The following PRKCZ variants were observed in gnomAD, a reference collection of about 807,000 sequenced individuals.
PRKCZ encodes the protein protein kinase C zeta type.
Under a neutral mutation model 79.5 loss-of-function variants are expected in PRKCZ, and 33 were observed. The observed-to-expected ratio is 0.41, with a 90% CI of 0.31 to 0.55. The LOEUF (loss-of-function observed/expected upper bound fraction) is 0.55. PRKCZ is among the 20% of genes least tolerant of loss of function. PRKCZ has a pLI of 0.19. For missense variants in PRKCZ, 578 were observed against 813.5 expected, an observed-to-expected ratio of 0.71 and a Z score of 3.52; for synonymous variants, 342 against 320.9, an observed-to-expected ratio of 1.07 and a Z score of -0.70.
At chr1:2,109,640 A>G (rs1026249708) in intron 4 of PRKCZ, among the ~76,000 whole-genome samples, 2 of 152,116 alleles carry the variant, frequency 1.3e-5, no homozygotes, top group African/African-American at 4.8e-5. Context: ...GGCCGTGGTG[A>G]GGACACGGGG....
Position 2,185,269 on chromosome 1 carries a change from AG to A in PRKCZ, c.*265del. The A allele has an allele frequency of 4.2e-6, 3 of 715,972 alleles. No individual in the cohort carries two copies. The highest frequency in any genetic ancestry group is 5.2e-6 in the Non-Finnish European group (2 of 383,472). The allele number at this position is 715,972 out of a possible 1,614,324, so 44.4% of individuals were successfully genotyped here. A position where few individuals can be genotyped will look rare whatever the true frequency, so the allele number is the denominator to read the frequency against. On this transcript the variant is annotated 3_prime_UTR_variant, in exon 18 of 18. Coordinates refer to ENST00000378567, the MANE Select transcript of PRKCZ (RefSeq NM_002744.6). The stretch of plus-strand genomic sequence containing the variant: ...CGGCGGATCCGCGGGGACCCTGCCG[AG>A]GGGGCTGTCATGCGGTTTCCAAGGT...
At chr1:2,080,177 G>A (rs1663217017) in intron 4 of PRKCZ, among the ~76,000 whole-genome samples, 1 of 152,160 alleles carries the variant, frequency 6.6e-6, no homozygotes, top group Non-Finnish European at 1.5e-5. Flanking sequence ...GGGTTTTTTG[G>A]AGTTTTTCTT....
At chr1:2,123,601 G>T (rs1185150441) in intron 4 of PRKCZ, among the ~76,000 whole-genome samples, 1 of 69,876 alleles carries the variant, frequency 1.4e-5, no homozygotes, top group African/African-American at 5.9e-5. Flanking sequence ...TGGTAGTTAG[G>T]GTCACGGTGG....
At position 2,073,517 on chromosome 1, in the gene PRKCZ, A is replaced by C. The variant is rs183689793; in HGVS notation, c.334+13926A>C. On this transcript the variant is annotated intron_variant, in intron 4 of 17. Transcript: ENST00000378567. ...TAGCTGGGTTCTGTTCTGATGTCGC[A>C]TTTTCAAGGTCCGCTGAGTCCGAGC... 8 of 663,386 alleles carry C rather than the reference A, an allele frequency of 1.2e-5. No individual in the cohort carries two copies. The African/African-American group carries it at 1.6e-4, about 13-fold the overall frequency. 41.1% of individuals were successfully genotyped at this position (663,386 alleles called of 1,614,324 possible). A position where few individuals can be genotyped will look rare whatever the true frequency, so the allele number is the denominator to read the frequency against.
At position 2,127,868 on chromosome 1, in the gene PRKCZ, A is replaced by G. The variant is rs1392436694; in HGVS notation, c.335-7394A>G. 6.6e-6 allele frequency among the ~76,000 whole-genome samples: 1 copy of G among 152,152 alleles called. No individual in the cohort carries two copies. The highest frequency in any genetic ancestry group is 1.5e-5 in the Non-Finnish European group (1 of 68,000). ...AGTCCCACCCCAAACCCCAAACTCC[A>G]GTGTCTGGGCCACGGGCAGCCCTGG... is the stretch of plus-strand genomic sequence containing the variant. On this transcript the variant is annotated intron_variant, in intron 4 of 17. Coordinates refer to ENST00000378567, the MANE Select transcript of PRKCZ (RefSeq NM_002744.6). The surrounding 1 kb of genome is among the most constrained non-coding windows in gnomAD (Gnocchi z 5.1).
chr1:2,149,052 C>G lies in PRKCZ; in HGVS notation c.687+128C>G. On this transcript the variant is annotated intron_variant, in intron 8 of 17. Transcript: ENST00000378567. This position sits in a 1 kb window ranked among gnomAD's most constrained non-coding sequence, Gnocchi z 4.1. ...GTCCGGGGTGTTGCTAACTAATCTT[C>G]ACGGGTGTGGATGTCTAGAAGGAAG... 9.9e-7 allele frequency: 1 copy of G among 1,014,080 alleles called. No individual in the cohort carries two copies. The highest frequency in any genetic ancestry group is 1.4e-5 in the South Asian group (1 of 69,824). 62.8% of individuals were successfully genotyped at this position (1,014,080 alleles called of 1,614,324 possible). A position where few individuals can be genotyped will look rare whatever the true frequency, so the allele number is the denominator to read the frequency against.
At position 2,054,966 on chromosome 1, in the gene PRKCZ, G is replaced by A. The variant is rs549591669; in HGVS notation, c.72-475G>A. ...ATTTTTTTTTTTTTTTTTTTAATAC[G>A]GAGTCTCTCTCTGTCGCCCAGGCTG... On this transcript the variant is annotated intron_variant, in intron 1 of 17. Transcript: ENST00000378567. Among the ~76,000 whole-genome samples the A allele has an allele frequency of 4.7e-5, 7 of 148,228 alleles. No homozygotes were observed. The East Asian group carries it at 5.9e-4, about 13-fold the overall frequency.
intron 11 of PRKCZ, 97 bp downstream of exon 11, chr1:2,169,701 A>T: frequency 1.1e-5 from 3 of 272,400 alleles, no homozygotes; most frequent in Non-Finnish European, 1.9e-5. Context: ...GCACAGAGGG[A>T]TGACGGGTGG....
chr1:2,089,644 C>A (rs1428226023), intron 4 of PRKCZ, among the ~76,000 whole-genome samples: 1 of 152,172 alleles, frequency 6.6e-6, no homozygotes, highest in Non-Finnish European at 1.5e-5. Flanking sequence ...CACAACCTTA[C>A]CACCTCTCAA....
intron 5 of PRKCZ, among the ~76,000 whole-genome samples, chr1:2,139,950 A>G (rs1676986693): frequency 6.6e-6 from 1 of 152,222 alleles, no homozygotes; most frequent in Non-Finnish European, 1.5e-5. Flanking sequence ...GGTGGCACAT[A>G]GGGCACAAGT....
chr1:2,135,793 C>T (rs1221242593), intron 5 of PRKCZ, among the ~76,000 whole-genome samples: 1 of 152,266 alleles, frequency 6.6e-6, no homozygotes, highest in Non-Finnish European at 1.5e-5. Flanking sequence ...GGGCCTCTGT[C>T]TTCCCAGCGG....
chr1:2,135,472 G>A (rs1192661297), intron 5 of PRKCZ, 125 bp downstream of exon 5: 5 of 861,318 alleles, frequency 5.8e-6, no homozygotes, highest in Non-Finnish European at 8.7e-6. Flanking sequence ...CGAGGGCAAG[G>A]TTACAGAAAT....
At chr1:2,170,030 A>G (rs1351713064) in intron 11 of PRKCZ, among the ~76,000 whole-genome samples, 1 of 152,122 alleles carries the variant, frequency 6.6e-6, no homozygotes, top group African/African-American at 2.4e-5. Flanking sequence ...AAGCAGCACC[A>G]TGCCTCATCC....
At chr1:2,111,138 G>A (rs925417948) in intron 4 of PRKCZ, among the ~76,000 whole-genome samples, 8 of 152,086 alleles carry the variant, frequency 5.3e-5, no homozygotes, top group Non-Finnish European at 1.0e-4. Flanking sequence ...AGGAGGAGCC[G>A]AGGTGGGTGC....
At chr1:2,169,374 G>C in intron 10 of PRKCZ, 144 bp from the exon 11 acceptor site, 1 of 736,902 alleles carries the variant, frequency 1.4e-6, no homozygotes, top group South Asian at 1.5e-5. Context: ...CTGCTGCCAG[G>C]GTGCTCCTGC....
chr1:2,160,898 G>A (rs1016052845), intron 10 of PRKCZ, among the ~76,000 whole-genome samples: 1 of 152,122 alleles, frequency 6.6e-6, no homozygotes, highest in African/African-American at 2.4e-5. Flanking sequence ...AAGAGGTGAG[G>A]GTGTGACGGG....
chr1:2,181,907 C>T (rs1298072264), intron 16 of PRKCZ: 1 of 456,122 alleles, frequency 2.2e-6, no homozygotes, highest in East Asian at 6.9e-5. Flanking sequence ...GCTGTGCGCA[C>T]ACCACAGGTG....
rs987423420 is a variant in PRKCZ at position 2,082,759 on chromosome 1, C to T, written c.334+23168C>T. Among the ~76,000 whole-genome samples, 3 of 147,036 alleles carry T rather than the reference C, an allele frequency of 2.0e-5. No individual in the cohort carries two copies. Among genetic ancestry groups the T allele is most frequent in the Non-Finnish European group, 3.0e-5 (2 of 66,458 alleles). ...TCCATTTGTTTTTTTGCCTGAGCGT[C>T]CGGGGGTGGCTTTGAGGACACCTGT... is the stretch of plus-strand genomic sequence containing the variant. On this transcript the variant is annotated intron_variant, in intron 4 of 17. Coordinates refer to ENST00000378567, the MANE Select transcript of PRKCZ (RefSeq NM_002744.6). The surrounding 1 kb of genome is among the most constrained non-coding windows in gnomAD (Gnocchi z 4.4).
At chr1:2,112,579 C>G (rs925904) in intron 4 of PRKCZ, among the ~76,000 whole-genome samples, 11,284 of 151,634 alleles carry the variant, frequency 0.074, 1,421 homozygotes, top group African/African-American at 0.25. Flanking sequence ...TTTCCTCCTC[C>G]TTCTCTGGAT....
Sources: allele counts gnomAD v4.1 joint callset (sites outside exome capture counted in the v4.1 genomes callset), GRCh38; gene constraint gnomAD v4.1.1; non-coding constraint Gnocchi (gnomAD v3.1); transcripts MANE v1.5; gene names NCBI Gene and HGNC (gene_info 2026-07-23, HGNC 2026-07-21).